SAMMSON: variants seen among roughly 807,000 people sequenced by gnomAD.
SAMMSON encodes long intergenic non-protein coding RNA 1212.
intron 4 of SAMMSON, among the ~76,000 whole-genome samples, chr3:70,089,561 G>A (rs778333821): frequency 4.0e-5 from 6 of 151,262 alleles, no homozygotes; most frequent in African/African-American, 4.9e-5. Flanking sequence ...GGGGCTGAGG[G>A]TGATGGGTGT....
chr3:70,375,905 T>C (rs181403541), intron 9 of SAMMSON, among the ~76,000 whole-genome samples: 2 of 152,316 alleles, frequency 1.3e-5, no homozygotes, highest in Admixed American at 6.5e-5. Flanking sequence ...GGGTAGTTCA[T>C]ATACATGTCT....
chr3:70,036,421 T>C (rs953603708), intron 3 of SAMMSON, among the ~76,000 whole-genome samples: 1 of 152,194 alleles, frequency 6.6e-6, no homozygotes, highest in Non-Finnish European at 1.5e-5. Context: ...GGGATTGATA[T>C]CACTCTCAGA....
chr3:70,277,534 A>G (rs1352200722), intron 6 of SAMMSON, among the ~76,000 whole-genome samples: 1 of 152,160 alleles, frequency 6.6e-6, no homozygotes, highest in Non-Finnish European at 1.5e-5. Context: ...GACCGCTTTT[A>G]TTGGCTTTTA....
intron 4 of SAMMSON, among the ~76,000 whole-genome samples, chr3:70,199,476 T>C (rs1304218496): frequency 1.3e-5 from 2 of 152,208 alleles, no homozygotes; most frequent in African/African-American, 4.8e-5. Flanking sequence ...CATTTTTTTC[T>C]GTTTCTAAGT....
chr3:70,068,456 A>C (rs912161495), intron 3 of SAMMSON: 1 of 152,070 alleles, frequency 6.6e-6, no homozygotes, highest in Non-Finnish European at 1.5e-5. Context: ...GATCCACTTA[A>C]ACAGCTCCAA....
At chr3:70,071,710 C>A (rs1037464937) in intron 4 of SAMMSON, 1 of 152,004 alleles carries the variant, frequency 6.6e-6, no homozygotes, top group Admixed American at 6.6e-5. Context: ...CAATGATGAT[C>A]AACCTTTGCT....
At chr3:70,073,818 A>T (rs1225077841) in intron 4 of SAMMSON, among the ~76,000 whole-genome samples, 3 of 152,094 alleles carry the variant, frequency 2.0e-5, no homozygotes, top group Non-Finnish European at 4.4e-5. Context: ...CCCAGATTGG[A>T]ATCCTGGCTC....
intron 4 of SAMMSON, among the ~76,000 whole-genome samples, chr3:70,224,833 A>C (rs1319078666): frequency 6.6e-6 from 1 of 151,732 alleles, no homozygotes; most frequent in African/African-American, 2.4e-5. Context: ...TTCCCCCCCC[A>C]CACCTCACCC....
chr3:70,231,038 GC>G (rs1701554911), intron 4 of SAMMSON, among the ~76,000 whole-genome samples: 2 of 152,094 alleles, frequency 1.3e-5, no homozygotes, highest in Admixed American at 1.3e-4. Context: ...TCTTACCATC[GC>G]TCTGCATTTG....
intron 4 of SAMMSON, among the ~76,000 whole-genome samples, chr3:70,175,985 A>G (rs1208640076): frequency 6.6e-6 from 1 of 152,020 alleles, no homozygotes; most frequent in Non-Finnish European, 1.5e-5. Flanking sequence ...CTTCATCTAG[A>G]GATATTTCTG....
At chr3:70,144,536 T>TAAA (rs2067540330) in intron 4 of SAMMSON, among the ~76,000 whole-genome samples, 1 of 152,176 alleles carries the variant, frequency 6.6e-6, no homozygotes, top group Admixed American at 6.6e-5. Context: ...CTGAACTTTA[T>TAAA]CTAAAATGTC....
chr3:70,246,615 T>C (rs1365729989), intron 4 of SAMMSON, among the ~76,000 whole-genome samples: 4 of 152,084 alleles, frequency 2.6e-5, no homozygotes, highest in African/African-American at 7.2e-5. Flanking sequence ...ACATACTTGA[T>C]AACTGAAACG....
At chr3:70,192,879 G>A (rs1333261161) in intron 4 of SAMMSON, among the ~76,000 whole-genome samples, 2 of 152,194 alleles carry the variant, frequency 1.3e-5, no homozygotes, top group Non-Finnish European at 2.9e-5. Context: ...AATTGAGACT[G>A]ACAGAATGCT....
chr3:70,056,013 A>G (rs1249078036), intron 3 of SAMMSON, among the ~76,000 whole-genome samples: 4 of 152,068 alleles, frequency 2.6e-5, no homozygotes, highest in African/African-American at 4.8e-5. Context: ...GAAGAGAGCA[A>G]TATTTCAGTG....
At chr3:70,010,297 A>G (rs6788592) in intron 1 of SAMMSON, among the ~76,000 whole-genome samples, 5,336 of 151,874 alleles carry the variant, frequency 0.035, 272 homozygotes, top group African/African-American at 0.11. Flanking sequence ...GATCTCTAAG[A>G]ACTTGCTTTA....
intron 2 of SAMMSON, among the ~76,000 whole-genome samples, chr3:70,414,034 T>TTTAGGAGAAAAGTCATATTCA: frequency 6.6e-6 from 1 of 152,234 alleles, no homozygotes; most frequent in East Asian, 1.9e-4. Context: ...GAAAAGAGCT[T>TTTAGGAGAAAAGTCATATTCA]AATAAATAGA....
intron 2 of SAMMSON, among the ~76,000 whole-genome samples, chr3:70,399,192 A>C (rs1206808041): frequency 1.3e-5 from 2 of 152,124 alleles, no homozygotes; most frequent in Admixed American, 1.3e-4. Flanking sequence ...ATATTCCACA[A>C]CATCCTCGTT....
At chr3:70,300,581 A>T (rs1422405970) in intron 7 of SAMMSON, among the ~76,000 whole-genome samples, 9 of 152,052 alleles carry the variant, frequency 5.9e-5, no homozygotes, top group Non-Finnish European at 1.3e-4. Flanking sequence ...TTCAAAAATT[A>T]TATTTGATTC....
chr3:70,071,285 A>G (rs2067228436), intron 3 of SAMMSON, among the ~76,000 whole-genome samples: 1 of 141,770 alleles, frequency 7.1e-6, no homozygotes, highest in South Asian at 2.2e-4. Context: ...AGTTATGCGT[A>G]GATGCACACA....
Sources: gnomAD v4.1 joint callset for allele counts (sites outside exome capture counted in the v4.1 genomes callset) on GRCh38, gnomAD v4.1.1 for gene constraint, MANE v1.5 for transcripts, NCBI Gene and HGNC (gene_info 2026-07-23, HGNC 2026-07-21) for gene names.